CSRNP3: variants seen among roughly 807,000 people sequenced by gnomAD.
CSRNP3 encodes cysteine/serine-rich nuclear protein 3.
A neutral mutation model predicts 48.0 loss-of-function variants in CSRNP3; 12 were observed. The ratio of observed to expected loss-of-function variants is 0.25; its 90% CI spans 0.16 to 0.41. The LOEUF is 0.41. Among genes scored for constraint, CSRNP3 ranks in the 10% least tolerant of loss-of-function variants. The probability of loss-of-function intolerance (pLI) is 1.00; values close to 1 mark genes in which losing one functional copy is unlikely to be tolerated. For synonymous variants in CSRNP3, 263 were observed against 269.7 expected (o/e 0.98, Z 0.24); for missense variants, 580 against 724.4 (o/e 0.80, Z 2.29).
At chr2:165,578,783 G>A (rs1410075296) in intron 3 of CSRNP3, among the ~76,000 whole-genome samples, 4 of 152,090 alleles carry the variant, frequency 2.6e-5, no homozygotes, top group South Asian at 2.1e-4. Flanking sequence ...TATATTATAT[G>A]TGATTTCAAG....
chr2:165,611,967 C>T (rs907426520), intron 4 of CSRNP3, among the ~76,000 whole-genome samples: 3 of 152,006 alleles, frequency 2.0e-5, no homozygotes, highest in Non-Finnish European at 2.9e-5. Flanking sequence ...AAGTCTTTAT[C>T]GTATAGCTTT....
Position 165,681,726 on chromosome 2 carries a change from C to CATATATATAT in CSRNP3, c.*1999_*2008dup, listed in dbSNP as rs1159941595. The CATATATATAT allele has an allele frequency of 7.2e-3, 678 of 93,572 alleles. 8 individuals carry two copies. Among genetic ancestry groups the CATATATATAT allele is most frequent in the African/African-American group, 9.7e-3 (209 of 21,620 alleles). 5.8% of individuals were successfully genotyped at this position (93,572 alleles called of 1,614,324 possible). ...AGGATTTGTTGAAATCTCAAATATA[C>CATATATATAT]ATATATATATATATATATATATATA... is the stretch of plus-strand genomic sequence containing the variant. On this transcript the variant is annotated 3_prime_UTR_variant, in exon 7 of 7. Transcript: ENST00000651982.
chr2:165,556,801 T>G (rs1460143095), intron 3 of CSRNP3, among the ~76,000 whole-genome samples: 1 of 152,146 alleles, frequency 6.6e-6, no homozygotes, highest in Non-Finnish European at 1.5e-5. Context: ...AATATCAATA[T>G]AGCAATGCAA....
rs530479108 is a variant in CSRNP3 at position 165,516,260 on chromosome 2, T to A, written c.-112-1613T>A. The stretch of plus-strand genomic sequence containing the variant: ...ACAGAGAAAACAGGAAAAGCTCCAT[T>A]CTTAGATGTTGCTCAAAATAAGTGC... On this transcript the variant is annotated intron_variant, in intron 2 of 6. Transcript: ENST00000651982. Among the ~76,000 whole-genome samples, 13 of 152,240 alleles carry A rather than the reference T, an allele frequency of 8.5e-5. No homozygotes were observed. The East Asian group carries it at 2.5e-3, about 29-fold the overall frequency.
chr2:165,491,893 A>G (rs1268776245), intron 1 of CSRNP3, among the ~76,000 whole-genome samples: 1 of 144,112 alleles, frequency 6.9e-6, no homozygotes, highest in Non-Finnish European at 1.5e-5. Flanking sequence ...TGGCACATGT[A>G]TACATATGTA....
chr2:165,472,333 A>G (rs1317709925), intron 1 of CSRNP3, among the ~76,000 whole-genome samples: 3 of 152,024 alleles, frequency 2.0e-5, no homozygotes, highest in Non-Finnish European at 4.4e-5. Flanking sequence ...AAAATTACAC[A>G]TTCCAACAAC....
chr2:165,593,610 A>G (rs540826666), intron 3 of CSRNP3, among the ~76,000 whole-genome samples: 32 of 152,290 alleles, frequency 2.1e-4, no homozygotes, highest in Admixed American at 1.9e-3. Context: ...TGCACAGAAA[A>G]GAAGTGATTT....
At chr2:165,541,376 C>T (rs984165272) in intron 3 of CSRNP3, among the ~76,000 whole-genome samples, 2 of 152,054 alleles carry the variant, frequency 1.3e-5, no homozygotes, top group Non-Finnish European at 2.9e-5. Context: ...TTCTGTCCCT[C>T]AGTGGCTCCT....
chr2:165,662,311 C>T (rs1558966005), intron 5 of CSRNP3, among the ~76,000 whole-genome samples: 1 of 151,898 alleles, frequency 6.6e-6, no homozygotes, highest in Admixed American at 6.6e-5. Context: ...AGAACAAATC[C>T]AATTCTATTT....
At chr2:165,515,487 T>C (rs1684566705) in intron 2 of CSRNP3, among the ~76,000 whole-genome samples, 1 of 151,730 alleles carries the variant, frequency 6.6e-6, no homozygotes, top group African/African-American at 2.4e-5. Flanking sequence ...ACTTTAATAA[T>C]GGGTAGTCAA....
At chr2:165,552,947 G>A (rs1685116822) in intron 3 of CSRNP3, among the ~76,000 whole-genome samples, 1 of 152,076 alleles carries the variant, frequency 6.6e-6, no homozygotes. Flanking sequence ...GCCTACCTCG[G>A]CCTCCCACAG....
chr2:165,559,625 C>G (rs564348881), intron 3 of CSRNP3, among the ~76,000 whole-genome samples: 1 of 152,044 alleles, frequency 6.6e-6, no homozygotes, highest in Admixed American at 6.6e-5. Flanking sequence ...TGAGGAAAAT[C>G]AAGCTCTATT....
chr2:165,674,611 A>G (rs1687388054), intron 5 of CSRNP3, among the ~76,000 whole-genome samples: 2 of 145,804 alleles, frequency 1.4e-5, no homozygotes, highest in African/African-American at 5.0e-5. Context: ...TCTGAAACAT[A>G]TATATATATA....
At chr2:165,587,639 T>G (rs1184473362) in intron 3 of CSRNP3, among the ~76,000 whole-genome samples, 2 of 152,238 alleles carry the variant, frequency 1.3e-5, no homozygotes. Context: ...GAAGCTGCCC[T>G]AGTTCCTGTT....
chr2:165,621,434 G>C (rs1686338126), intron 4 of CSRNP3, among the ~76,000 whole-genome samples: 1 of 152,018 alleles, frequency 6.6e-6, no homozygotes, highest in Non-Finnish European at 1.5e-5. Flanking sequence ...ATAAAATATG[G>C]CCTGGCCCTC....
rs373855601 is a variant in CSRNP3 at position 165,507,797 on chromosome 2, GA to G, written c.-112-10075del. On this transcript the variant is annotated intron_variant, in intron 2 of 6. Transcript: ENST00000651982. ...TAGGTGCTCAGCACTTTCTACAGGG[GA>G]CTGTTTGGGATACTCCTAACATCTT... 6.5e-3 allele frequency among the ~76,000 whole-genome samples: 984 copies of G among 152,190 alleles called. 7 individuals carry two copies. Among genetic ancestry groups the G allele is most frequent in the South Asian group, 0.028 (137 of 4,818 alleles).
chr2:165,523,794 C>A (rs967095544), intron 3 of CSRNP3, among the ~76,000 whole-genome samples: 1 of 152,106 alleles, frequency 6.6e-6, no homozygotes, highest in Non-Finnish European at 1.5e-5. Flanking sequence ...GTAAACACTA[C>A]AGAGGTCAAA....
chr2:165,529,164 A>G (rs1378628606), intron 3 of CSRNP3, among the ~76,000 whole-genome samples: 3 of 152,216 alleles, frequency 2.0e-5, no homozygotes, highest in Non-Finnish European at 4.4e-5. Context: ...CACACCAGTC[A>G]GAATGGCTAA....
intron 3 of CSRNP3, among the ~76,000 whole-genome samples, chr2:165,552,519 A>G (rs1178071964): frequency 6.6e-6 from 1 of 152,122 alleles, no homozygotes; most frequent in Non-Finnish European, 1.5e-5. Flanking sequence ...CAGGTATCTG[A>G]TCATCACTTT....
Sources: allele counts gnomAD v4.1 joint callset (sites outside exome capture counted in the v4.1 genomes callset), GRCh38; gene constraint gnomAD v4.1.1; transcripts MANE v1.5; gene names NCBI Gene and HGNC (gene_info 2026-07-23, HGNC 2026-07-21).